ZC3H12B: variants seen among roughly 807,000 people sequenced by gnomAD.
ZC3H12B encodes zinc finger CCCH-type containing 12B.
In ZC3H12B, 7 loss-of-function variants were observed where a neutral mutation model predicts 43.9. That is an observed-to-expected ratio of 0.16 (90% CI 0.09 to 0.30). ZC3H12B has a LOEUF of 0.30. Ranked by LOEUF, ZC3H12B falls within the 10% of genes least tolerant of loss-of-function variation. ZC3H12B has a pLI of 1.00. For missense variants in ZC3H12B, 475 were observed against 670.2 expected (o/e 0.71, Z 3.22); for synonymous variants, 222 against 241.7 (o/e 0.92, Z 0.76).
At chrX:65,385,633 T>C (rs2066512488) in intron 2 of ZC3H12B, among the ~76,000 whole-genome samples, 1 of 110,071 alleles carries the variant, frequency 9.1e-6, no homozygotes, top group East Asian at 2.9e-4. Context: ...TTGAATACCC[T>C]TTTTTTTTAT....
chrX:65,372,486 G>A (rs865994955), intron 2 of ZC3H12B, among the ~76,000 whole-genome samples: 1 of 94,959 alleles, frequency 1.1e-5, no homozygotes, highest in Non-Finnish European at 2.1e-5. Flanking sequence ...AAGGGAGGAA[G>A]GGAAGGAAGG....
the ZC3H12B span, among the ~76,000 whole-genome samples, chrX:65,093,868 GT>G: frequency 9.0e-6 from 1 of 111,362 alleles, no homozygotes; most frequent in Non-Finnish European, 1.9e-5. Flanking sequence ...GGATGATTGT[GT>G]TTTGCAATGT....
Position 65,387,109 on chromosome X carries a change from G to A in ZC3H12B, n.296-11484G>A, listed in dbSNP as rs778105816. ...AATAAGTGCAGTGTGGTGCTGAGAA[G>A]AATGTATATTCTGTTGATTTGGGGT... On this transcript the variant is annotated intron_variant and non_coding_transcript_variant, in intron 2 of 5. Coordinates refer to the ZC3H12B transcript ENST00000617377. Among the ~76,000 whole-genome samples the A allele has an allele frequency of 2.3e-3, 252 of 111,973 alleles. 2 individuals carry two copies. Among genetic ancestry groups the A allele is most frequent in the African/African-American group, 7.6e-3 (233 of 30,830 alleles).
At chrX:65,369,561 C>A (rs975911818) in intron 2 of ZC3H12B, among the ~76,000 whole-genome samples, 1 of 111,448 alleles carries the variant, frequency 9.0e-6, no homozygotes, top group Non-Finnish European at 1.9e-5. Context: ...CTTCATTGTG[C>A]CCCTACTTTA....
chrX:65,059,630 G>A, the ZC3H12B span, among the ~76,000 whole-genome samples: 1 of 111,230 alleles, frequency 9.0e-6, no homozygotes, highest in Non-Finnish European at 1.9e-5. Context: ...TGGCTCTGTA[G>A]TATTATATAA....
At chrX:65,205,038 A>T in the ZC3H12B span, among the ~76,000 whole-genome samples, 1 of 112,093 alleles carries the variant, frequency 8.9e-6, no homozygotes, top group African/African-American at 3.2e-5. Context: ...GCCTAGCTTA[A>T]TTGTAGAATA....
chrX:65,200,813 C>G, the ZC3H12B span, among the ~76,000 whole-genome samples: 1 of 110,840 alleles, frequency 9.0e-6, no homozygotes, highest in Non-Finnish European at 1.9e-5. Flanking sequence ...GTTTTTGTTG[C>G]AATTGCTTTC....
At chrX:65,240,213 T>C in the ZC3H12B span, among the ~76,000 whole-genome samples, 18 of 112,077 alleles carry the variant, frequency 1.6e-4, no homozygotes, top group Non-Finnish European at 3.8e-5. Flanking sequence ...TGTACCACAA[T>C]CAGTGATAGG....
chrX:65,175,546 T>C, the ZC3H12B span, among the ~76,000 whole-genome samples: 1 of 112,093 alleles, frequency 8.9e-6, no homozygotes, highest in South Asian at 3.7e-4. Flanking sequence ...CCTGAACTCA[T>C]GTGATGGGTT....
At chrX:65,383,373 A>G (rs1433211398) in intron 2 of ZC3H12B, among the ~76,000 whole-genome samples, 15 of 111,984 alleles carry the variant, frequency 1.3e-4, no homozygotes, top group Admixed American at 2.8e-4. Context: ...TATTTAATAA[A>G]TGGTGCTGGG....
At chrX:65,381,179 C>A (rs1434627358) in intron 2 of ZC3H12B, among the ~76,000 whole-genome samples, 1 of 111,105 alleles carries the variant, frequency 9.0e-6, no homozygotes, top group South Asian at 3.8e-4. Context: ...CACACCTAAT[C>A]CAAAATTGAC....
the ZC3H12B span, among the ~76,000 whole-genome samples, chrX:65,193,241 A>G: frequency 9.1e-6 from 1 of 110,060 alleles, no homozygotes; most frequent in African/African-American, 3.3e-5. Flanking sequence ...GGTTGACATT[A>G]GTTCTTTAAA....
the ZC3H12B span, among the ~76,000 whole-genome samples, chrX:65,245,571 A>G: frequency 1.8e-5 from 2 of 112,375 alleles, no homozygotes; most frequent in East Asian, 5.6e-4. Context: ...CATCATACAA[A>G]CAAAACTAAA....
the ZC3H12B span, among the ~76,000 whole-genome samples, chrX:65,352,126 AC>A: frequency 8.9e-6 from 1 of 112,579 alleles, no homozygotes; most frequent in Admixed American, 9.4e-5. Context: ...ACCATGGAAT[AC>A]TATGCAGCCA....
At chrX:65,074,146 T>C in the ZC3H12B span, among the ~76,000 whole-genome samples, 5 of 112,180 alleles carry the variant, frequency 4.5e-5, no homozygotes, top group African/African-American at 1.3e-4. Flanking sequence ...GGACTCACTT[T>C]AGCATTTTTT....
At chrX:65,287,711 T>C in the ZC3H12B span, among the ~76,000 whole-genome samples, 1 of 110,832 alleles carries the variant, frequency 9.0e-6, no homozygotes, top group Non-Finnish European at 1.9e-5. Flanking sequence ...ATTTAAAAAC[T>C]GCAAAAAAAT....
the ZC3H12B span, among the ~76,000 whole-genome samples, chrX:65,083,327 T>C: frequency 3.6e-5 from 4 of 111,842 alleles, no homozygotes; most frequent in Admixed American, 3.8e-4. Context: ...AAATTATCCT[T>C]GTTTGCAGAT....
At chrX:65,213,930 C>A in the ZC3H12B span, among the ~76,000 whole-genome samples, 1 of 108,873 alleles carries the variant, frequency 9.2e-6, no homozygotes, top group Non-Finnish European at 1.9e-5. Flanking sequence ...TATATGTACA[C>A]ACACACACAC....
the ZC3H12B span, among the ~76,000 whole-genome samples, chrX:65,332,419 C>T: frequency 9.0e-6 from 1 of 111,580 alleles, no homozygotes; most frequent in Non-Finnish European, 1.9e-5. Flanking sequence ...TCTTGTGTTC[C>T]TACACAAAGA....
Sources: allele counts gnomAD v4.1 joint callset (sites outside exome capture counted in the v4.1 genomes callset), GRCh38; gene constraint gnomAD v4.1.1; transcripts MANE v1.5; gene names NCBI Gene and HGNC (gene_info 2026-07-23, HGNC 2026-07-21).